NSUN6: variants seen among roughly 807,000 people sequenced by gnomAD.
NSUN6 encodes tRNA (cytosine(72)-C(5))-methyltransferase NSUN6.
A neutral mutation model predicts 58.0 loss-of-function variants in NSUN6; 64 were observed. The observed-to-expected ratio is 1.10, with a 90% CI of 0.90 to 1.36. NSUN6 has a LOEUF of 1.36. Among genes scored for constraint, NSUN6 ranks in the 40% most tolerant of loss-of-function variants. The pLI, the probability that NSUN6 is intolerant of heterozygous loss-of-function variation, is 0.00. For synonymous variants in NSUN6, 231 were observed against 193.9 expected (o/e 1.19, Z -1.59); for missense variants, 701 against 550.1 (o/e 1.27, Z -2.74).
At chr10:18,604,779 G>A (rs1226413142) in intron 6 of NSUN6, among the ~76,000 whole-genome samples, 5 of 151,884 alleles carry the variant, frequency 3.3e-5, no homozygotes, top group African/African-American at 9.7e-5. Context: ...CCAGCTACTT[G>A]GGAAGCTGAG....
intron 3 of NSUN6, among the ~76,000 whole-genome samples, chr10:18,622,868 A>T (rs187172337): frequency 3.9e-5 from 6 of 152,350 alleles, no homozygotes; most frequent in Admixed American, 3.9e-4. Context: ...AGACTTATCA[A>T]AAAGGGAGGA....
intron 9 of NSUN6, 151 bp downstream of exon 9, chr10:18,551,672 T>C: frequency 3.3e-6 from 2 of 597,728 alleles, no homozygotes; most frequent in Non-Finnish European, 5.9e-6. Context: ...ATATAGCACA[T>C]TCTGTTATCC....
intron 8 of NSUN6, among the ~76,000 whole-genome samples, chr10:18,563,949 C>G (rs966127362): frequency 6.6e-6 from 1 of 150,910 alleles, no homozygotes; most frequent in South Asian, 2.1e-4. Flanking sequence ...CACTCCATTC[C>G]ATTCTCGATT....
chr10:18,616,501 G>A (rs1289442276), intron 3 of NSUN6, among the ~76,000 whole-genome samples: 1 of 152,158 alleles, frequency 6.6e-6, no homozygotes, highest in Non-Finnish European at 1.5e-5. Flanking sequence ...AAAAAATCAA[G>A]AGGTCCATCT....
intron 8 of NSUN6, among the ~76,000 whole-genome samples, chr10:18,584,604 A>G (rs1264035014): frequency 1.3e-5 from 2 of 152,180 alleles, no homozygotes; most frequent in Admixed American, 6.5e-5. Context: ...AAAGCAAGAA[A>G]AAAAGGTAAT....
chr10:18,655,153 T>A, upstream of NSUN6: 1 of 983,774 alleles, frequency 1.0e-6, no homozygotes. Flanking sequence ...CTCGCTGCTT[T>A]ATCTTGCTCG....
In NSUN6 at chr10:18,642,523, T is replaced by C. The variant is rs774337620; in HGVS notation, c.264A>G (p.Gln88=). ...QFNGLSVPIL[Q]HPDLQDVLLI... is the part of the protein sequence containing the mutation. ...GTAACACATCTTGAAGGTCTGGATGTTGAAGAATAGGAACACTTAATCCAT... is the reference window on the plus strand; with the variant it reads ...GTAACACATCTTGAAGGTCTGGATGCTGAAGAATAGGAACACTTAATCCAT... The change falls in exon 3 of 11, where the codon CAA becomes CAG. Residue 88 remains glutamine (Q), a synonymous_variant. Coordinates refer to ENST00000377304, the MANE Select transcript of NSUN6 (RefSeq NM_182543.5). 2.6e-6 allele frequency: 4 copies of C among 1,557,906 alleles called. No individual in the cohort carries two copies. The South Asian group carries it at 4.5e-5, about 17-fold the overall frequency.
intron 3 of NSUN6, among the ~76,000 whole-genome samples, chr10:18,619,757 T>C (rs887189556): frequency 6.6e-6 from 1 of 152,192 alleles, no homozygotes; most frequent in African/African-American, 2.4e-5. Flanking sequence ...AATTCAACTT[T>C]TGAAAAAATT....
intron 6 of NSUN6, among the ~76,000 whole-genome samples, chr10:18,602,867 C>T (rs1214442511): frequency 1.3e-5 from 2 of 152,118 alleles, no homozygotes; most frequent in East Asian, 3.8e-4. Flanking sequence ...TATTCCATCT[C>T]AAAAAGGAAG....
chr10:18,609,708 C>T (rs1474173211), intron 6 of NSUN6, 137 bp downstream of exon 6: 3 of 477,872 alleles, frequency 6.3e-6, no homozygotes, highest in Non-Finnish European at 1.1e-5. Context: ...TTTTTTCTTA[C>T]TGCTTAACCA....
At chr10:18,632,385 C>A (rs7897787) in intron 3 of NSUN6, among the ~76,000 whole-genome samples, 27,554 of 113,150 alleles carry the variant, frequency 0.24, 3,702 homozygotes, top group East Asian at 0.64. Context: ...CAATGGCAAC[C>A]AAAGCCAAAA....
At chr10:18,607,441 T>C (rs542447676) in intron 6 of NSUN6, among the ~76,000 whole-genome samples, 84 of 152,210 alleles carry the variant, frequency 5.5e-4, no homozygotes, top group Non-Finnish European at 1.0e-3. Context: ...AATTAAGCTA[T>C]TTAGATTTTA....
chr10:18,559,491 T>A (rs1375585004), intron 8 of NSUN6, among the ~76,000 whole-genome samples: 4 of 147,698 alleles, frequency 2.7e-5, no homozygotes, highest in Admixed American at 6.8e-5. Flanking sequence ...GAGAATGGAA[T>A]GGAATGGAAT....
At chr10:18,554,511 A>T (rs1006671952) in intron 8 of NSUN6, among the ~76,000 whole-genome samples, 1 of 151,502 alleles carries the variant, frequency 6.6e-6, no homozygotes, top group Non-Finnish European at 1.5e-5. Context: ...AATGGAATCA[A>T]TCGGAACGTG....
At chr10:18,639,327 T>C (rs1358994880) in intron 3 of NSUN6, among the ~76,000 whole-genome samples, 1 of 152,072 alleles carries the variant, frequency 6.6e-6, no homozygotes, top group Non-Finnish European at 1.5e-5. Flanking sequence ...ACACAGTCTC[T>C]ACTAAAAATA....
chr10:18,648,360 C>T (rs2059608640), intron 2 of NSUN6, 130 bp downstream of exon 2: 2 of 557,876 alleles, frequency 3.6e-6, no homozygotes, highest in African/African-American at 1.9e-5. Context: ...GAAGAATTTA[C>T]CATTCATGGT....
chr10:18,614,809 A>G (rs867833417), intron 4 of NSUN6, among the ~76,000 whole-genome samples, 196 bp from the exon 5 acceptor site: 1 of 152,130 alleles, frequency 6.6e-6, no homozygotes, highest in South Asian at 2.1e-4. Context: ...AAAACTCACT[A>G]AAGAATCTTT....
chr10:18,598,855 C>G (rs1018182921), intron 6 of NSUN6, among the ~76,000 whole-genome samples: 1 of 152,150 alleles, frequency 6.6e-6, no homozygotes, highest in Non-Finnish European at 1.5e-5. Flanking sequence ...TTTGGTGATT[C>G]TTTATCTAGA....
At chr10:18,640,102 A>T (rs1195178317) in intron 3 of NSUN6, among the ~76,000 whole-genome samples, 1 of 152,266 alleles carries the variant, frequency 6.6e-6, no homozygotes, top group Non-Finnish European at 1.5e-5. Context: ...AGAATGAAAT[A>T]GTGTTACATA....
Sources: allele counts gnomAD v4.1 joint callset (sites outside exome capture counted in the v4.1 genomes callset), GRCh38; gene constraint gnomAD v4.1.1; transcripts MANE v1.5; gene names NCBI Gene and HGNC (gene_info 2026-07-23, HGNC 2026-07-21).